MSRA: variants seen among roughly 807,000 people sequenced by gnomAD.
MSRA encodes the protein methionine sulfoxide reductase A, also known as mitochondrial peptide methionine sulfoxide reductase.
MSRA carries 54 observed loss-of-function variants against 31.3 expected under a neutral mutation model. The observed-to-expected ratio is 1.73, with a 90% CI of 1.39 to 2.17. The LOEUF (loss-of-function observed/expected upper bound fraction) is 2.17. MSRA is among the 30% of genes most tolerant of loss of function. The pLI, the probability that MSRA is intolerant of heterozygous loss-of-function variation, is 0.00. For synonymous variants in MSRA, 169 were observed against 116.5 expected (o/e 1.45, Z -2.90); for missense variants, 507 against 300.9 (o/e 1.69, Z -5.07).
intron 5 of MSRA, among the ~76,000 whole-genome samples, chr8:10,342,909 G>A (rs1305299768): frequency 1.3e-5 from 2 of 152,194 alleles, no homozygotes. Flanking sequence ...TCTCTGGCCT[G>A]AGCGTTCTCA....
At chr8:10,400,388 G>GTGTAGTA (rs1275126132) in intron 5 of MSRA, among the ~76,000 whole-genome samples, 10 of 129,102 alleles carry the variant, frequency 7.7e-5, no homozygotes, top group African/African-American at 2.6e-4. Context: ...TGTGTGTAGT[G>GTGTAGTA]TGTAGTGTGT....
intron 1 of MSRA, among the ~76,000 whole-genome samples, chr8:10,076,771 G>T (rs1798014193): frequency 6.6e-6 from 1 of 152,110 alleles, no homozygotes; most frequent in Admixed American, 6.5e-5. Context: ...CTTTCCGCAA[G>T]TGTCTCCACC....
chr8:10,424,467 G>A (rs910059193), intron 5 of MSRA, among the ~76,000 whole-genome samples: 2 of 150,122 alleles, frequency 1.3e-5, no homozygotes, highest in African/African-American at 4.9e-5. Context: ...AAGGCCCGGG[G>A]TGGAGTGGGA....
chr8:10,057,683 G>T (rs1016401024), intron 1 of MSRA, among the ~76,000 whole-genome samples: 10 of 152,130 alleles, frequency 6.6e-5, no homozygotes, highest in African/African-American at 2.4e-4. Context: ...ATTCTCACGA[G>T]ATCTGATTAT....
chr8:10,182,254 A>C (rs1806611102), intron 1 of MSRA, among the ~76,000 whole-genome samples: 1 of 152,230 alleles, frequency 6.6e-6, no homozygotes, highest in African/African-American at 2.4e-5. Flanking sequence ...AGAATATGCA[A>C]AGTGAGAGAT....
chr8:10,276,131 G>T (rs1156513766), intron 3 of MSRA, among the ~76,000 whole-genome samples: 1 of 152,170 alleles, frequency 6.6e-6, no homozygotes, highest in Non-Finnish European at 1.5e-5. Flanking sequence ...CACATGTAGG[G>T]TGACCTCCGT....
At chr8:10,399,024 C>G (rs1048833042) in intron 5 of MSRA, among the ~76,000 whole-genome samples, 2 of 152,202 alleles carry the variant, frequency 1.3e-5, no homozygotes, top group Admixed American at 6.5e-5. Flanking sequence ...AATCTGCCAG[C>G]CTTTGGATTG....
At chr8:10,373,945 T>G (rs1009568736) in intron 5 of MSRA, among the ~76,000 whole-genome samples, 1 of 152,128 alleles carries the variant, frequency 6.6e-6, no homozygotes, top group African/African-American at 2.4e-5. Context: ...TCGGAACCCA[T>G]GAAAAGACTG....
intron 5 of MSRA, among the ~76,000 whole-genome samples, chr8:10,351,810 G>C (rs961247435): frequency 5.3e-5 from 8 of 152,090 alleles, no homozygotes; most frequent in African/African-American, 1.9e-4. Context: ...ATGCAGATTC[G>C]GATACAGCAG....
Position 10,119,436 on chromosome 8 carries a change from C to G in MSRA, c.142+64778C>G, listed in dbSNP as rs1456722421. Among the ~76,000 whole-genome samples, 8 of 152,208 alleles carry G rather than the reference C, an allele frequency of 5.3e-5. No homozygotes were observed. The East Asian group carries it at 1.2e-3, about 22-fold the overall frequency. On this transcript the variant is annotated intron_variant, in intron 1 of 5. Transcript: ENST00000317173. ...CGTGCTTTCTGCTGGCGATTAAGTC[C>G]CAGGCTTGGGAGTGGCTTGTAGCAG...
intron 5 of MSRA, chr8:10,320,327 G>A (rs1450250192): frequency 6.1e-6 from 1 of 164,340 alleles, no homozygotes; most frequent in African/African-American, 2.4e-5. Flanking sequence ...AATAAGCCAG[G>A]CATGGTGGCC....
At chr8:10,252,539 C>G (rs1402791789) in intron 3 of MSRA, among the ~76,000 whole-genome samples, 1 of 152,150 alleles carries the variant, frequency 6.6e-6, no homozygotes, top group Non-Finnish European at 1.5e-5. Context: ...AGAGCGCCTG[C>G]AGGAGCCCAG....
chr8:10,206,874 G>A (rs886139446), intron 1 of MSRA, among the ~76,000 whole-genome samples: 6 of 152,154 alleles, frequency 3.9e-5, no homozygotes, highest in African/African-American at 9.7e-5. Flanking sequence ...TACTCTCCTC[G>A]AGGGCAGGAA....
chr8:10,279,225 A>G (rs180780483), intron 3 of MSRA, among the ~76,000 whole-genome samples: 8 of 152,168 alleles, frequency 5.3e-5, no homozygotes, highest in African/African-American at 1.9e-4. Context: ...TAAAGCGTGC[A>G]TTGCGTGTCT....
At chr8:10,363,596 G>A (rs985424069) in intron 5 of MSRA, among the ~76,000 whole-genome samples, 8 of 152,050 alleles carry the variant, frequency 5.3e-5, no homozygotes, top group African/African-American at 9.7e-5. Context: ...CTACATCTGC[G>A]TAACCTTCAG....
chr8:10,159,485 T>A, intron 1 of MSRA, among the ~76,000 whole-genome samples: 1 of 152,236 alleles, frequency 6.6e-6, no homozygotes, highest in Non-Finnish European at 1.5e-5. Flanking sequence ...ACCTCTTACT[T>A]CTGGAGCTTT....
chr8:10,067,060 A>G (rs976595336), intron 1 of MSRA, among the ~76,000 whole-genome samples: 5 of 152,130 alleles, frequency 3.3e-5, no homozygotes, highest in South Asian at 2.1e-4. Flanking sequence ...CATTTTTGCT[A>G]TCATCCAGTC....
chr8:10,279,793 A>G (rs1799521619), intron 3 of MSRA, among the ~76,000 whole-genome samples: 2 of 152,204 alleles, frequency 1.3e-5, no homozygotes, highest in Admixed American at 6.5e-5. Flanking sequence ...AGCATCCATT[A>G]TGCCATCACT....
At chr8:10,300,418 G>C (rs1354268391) in intron 3 of MSRA, among the ~76,000 whole-genome samples, 1 of 152,038 alleles carries the variant, frequency 6.6e-6, no homozygotes, top group East Asian at 1.9e-4. Context: ...ACCACGCCTG[G>C]CTAATTTTTG....
Sources: gnomAD v4.1 joint callset for allele counts (sites outside exome capture counted in the v4.1 genomes callset) on GRCh38, gnomAD v4.1.1 for gene constraint, MANE v1.5 for transcripts, NCBI Gene and HGNC (gene_info 2026-07-23, HGNC 2026-07-21) for gene names.